The following SLC6A15 variants were observed in gnomAD, a reference collection of about 807,000 sequenced individuals.
SLC6A15 encodes sodium-dependent neutral amino acid transporter B(0)AT2.
Under a neutral mutation model 68.5 loss-of-function variants are expected in SLC6A15, and 33 were observed. The ratio of observed to expected loss-of-function variants is 0.48; its 90% CI spans 0.37 to 0.64. The LOEUF is 0.64. Ranked by LOEUF, SLC6A15 falls within the 30% of genes least tolerant of loss-of-function variation. SLC6A15 has a pLI of 0.00. For missense variants in SLC6A15, 747 were observed against 874.3 expected (o/e 0.85, Z 1.84); for synonymous variants, 347 against 301.0 (o/e 1.15, Z -1.58).
chr12:84,892,079 A>T lies in SLC6A15; in HGVS notation c.42T>A (p.Asp14Glu). 4 of 1,613,424 alleles carry T rather than the reference A, an allele frequency of 2.5e-6. No individual in the cohort carries two copies. The highest frequency in any genetic ancestry group is 3.4e-6 in the Non-Finnish European group (4 of 1,179,868). ...GGTCTTTGACAGACTCAGTAACATC[A>T]TCATCTAATTCTCTTTTTACCACCT... Reference protein sequence around the residue: ...NSKVVKRELDDDVTESVKDLL... With the variant: ...NSKVVKRELDEDVTESVKDLL... Residue 14 changes from aspartate to glutamate, a missense_variant, in exon 2 of 12, where the codon GAT (aspartate) becomes GAA (glutamate). Asp to Glu is a conservative substitution (Grantham distance 45). Transcript: ENST00000266682.
intron 1 of SLC6A15, among the ~76,000 whole-genome samples, chr12:84,908,926 T>G (rs1193572772): frequency 6.6e-6 from 1 of 152,108 alleles, no homozygotes; most frequent in Admixed American, 6.5e-5. Flanking sequence ...CTGTATGATA[T>G]TCCTTGGTAT....
At chr12:84,906,166 C>T (rs904305511) in intron 1 of SLC6A15, among the ~76,000 whole-genome samples, 8 of 152,020 alleles carry the variant, frequency 5.3e-5, no homozygotes, top group African/African-American at 7.2e-5. Flanking sequence ...AACAAGTGAA[C>T]ACAGAAATTA....
chr12:84,885,066 C>T (rs1872024282), intron 4 of SLC6A15, among the ~76,000 whole-genome samples: 1 of 151,800 alleles, frequency 6.6e-6, no homozygotes, highest in South Asian at 2.1e-4. Context: ...GAACCAAAGA[C>T]ATAAAAGCAA....
Position 84,907,676 on chromosome 12 carries a change from C to CATA in SLC6A15, c.-189+4844_-189+4846dup, listed in dbSNP as rs369052998. ...TTAAAAACTAAACACACTGCTACCA[C>CATA]ATAACCGAGCAAGTGTTCTCATTTA... On this transcript the variant is annotated intron_variant, in intron 1 of 11. Transcript: ENST00000266682. Among the ~76,000 whole-genome samples the CATA allele has an allele frequency of 5.5e-4, 83 of 152,278 alleles. 1 individual carries two copies. The East Asian group carries it at 6.2e-3, about 11-fold the overall frequency.
chr12:84,894,040 T>C (rs1334262601), intron 1 of SLC6A15, among the ~76,000 whole-genome samples: 2 of 152,276 alleles, frequency 1.3e-5, no homozygotes, highest in East Asian at 3.8e-4. Flanking sequence ...AGTGACTATT[T>C]CACAGAGGCC....
At chr12:84,870,703 A>G (rs1025890383) in intron 8 of SLC6A15, 33 bp from the exon 9 acceptor site, 3 of 1,396,840 alleles carry the variant, frequency 2.1e-6, no homozygotes, top group Non-Finnish European at 2.9e-6. Context: ...ACATTAGTAC[A>G]GAGTAATTAT....
intron 2 of SLC6A15, among the ~76,000 whole-genome samples, chr12:84,887,508 T>C (rs999462674): frequency 6.6e-6 from 1 of 152,228 alleles, no homozygotes; most frequent in South Asian, 2.1e-4. Flanking sequence ...TCTTTCATTC[T>C]TAGTTGATTC....
At position 84,885,466 on chromosome 12, in the gene SLC6A15, C is replaced by G. The variant is rs140062203; in HGVS notation, c.543G>C (p.Gln181His). The G allele has an allele frequency of 1.2e-6, 2 of 1,613,302 alleles. No homozygotes were observed. Among genetic ancestry groups the G allele is most frequent in the African/African-American group, 1.3e-5 (1 of 74,870 alleles). Residue 181 changes from glutamine to histidine, a missense_variant, in exon 4 of 12, where the codon CAG becomes CAC. Physicochemically the swap from Gln to His is conservative, Grantham distance 24 (BLOSUM62 0). Coordinates refer to ENST00000266682, the MANE Select transcript of SLC6A15 (RefSeq NM_182767.6). The stretch of plus-strand genomic sequence containing the variant: ...GTGAAGCATTTTTCACCAAAGGACA[C>G]TGATCCCAAGGCAGGGGTTGCTGAA... ...QSFQQPLPWDQCPLVKNASHT... is the reference protein window; with the variant it reads ...QSFQQPLPWDHCPLVKNASHT...
In SLC6A15 at chr12:84,861,858, G is replaced by A; in HGVS notation, c.1967C>T (p.Thr656Ile). The change falls in exon 12 of 12, where the codon ACC (threonine) becomes ATC (isoleucine). Residue 656 changes from threonine to isoleucine, a missense_variant. Transcript: ENST00000266682. ...TTTCAGGACCCTTCCTCTCTTATAG[G>A]TCACAGATGCTAAATTACCAGAACT... The part of the protein sequence containing the change: ...DDSSGNLASV[T>I]YKRGRVLKEP... The A allele has an allele frequency of 6.2e-7, 1 of 1,613,794 alleles. No individual in the cohort carries two copies. The highest frequency in any genetic ancestry group is 8.5e-7 in the Non-Finnish European group (1 of 1,179,902).
At chr12:84,873,457 A>G (rs117056679) in intron 6 of SLC6A15, 129 bp from the exon 7 acceptor site, 110 of 1,079,666 alleles carry the variant, frequency 1.0e-4, no homozygotes, top group Non-Finnish European at 1.4e-4. Flanking sequence ...AAATCGGGAA[A>G]TAATATGTTC....
At chr12:84,881,918 G>T in intron 5 of SLC6A15, 2 of 985,258 alleles carry the variant, frequency 2.0e-6, no homozygotes, top group Non-Finnish European at 2.4e-6. Context: ...CCCCATCAGT[G>T]CCTGTTAAAT....
chr12:84,907,705 C>A (rs1280847781), intron 1 of SLC6A15, among the ~76,000 whole-genome samples: 1 of 152,102 alleles, frequency 6.6e-6, no homozygotes, highest in Non-Finnish European at 1.5e-5. Context: ...TCATTTATCC[C>A]AGATAAATGA....
chr12:84,863,377 A>G, intron 11 of SLC6A15, 62 bp downstream of exon 11: 1 of 1,252,168 alleles, frequency 8.0e-7, no homozygotes, highest in Non-Finnish European at 1.1e-6. Context: ...CAAAAGAAAA[A>G]GCCCTCTAAA....
intron 1 of SLC6A15, among the ~76,000 whole-genome samples, chr12:84,897,723 A>G (rs1159518497): frequency 6.6e-6 from 1 of 152,156 alleles, no homozygotes; most frequent in Non-Finnish European, 1.5e-5. Flanking sequence ...TAAAAGCCAC[A>G]GGCAAATATT....
chr12:84,901,457 T>C (rs1324405136), intron 1 of SLC6A15, among the ~76,000 whole-genome samples: 2 of 151,830 alleles, frequency 1.3e-5, no homozygotes, highest in South Asian at 2.1e-4. Flanking sequence ...CTTATCTTTA[T>C]TACTGATATT....
intron 2 of SLC6A15, among the ~76,000 whole-genome samples, chr12:84,886,814 T>C (rs1450903400): frequency 6.6e-6 from 1 of 152,208 alleles, no homozygotes; most frequent in African/African-American, 2.4e-5. Flanking sequence ...TTTAGTTAAA[T>C]CACAAATTAA....
intron 2 of SLC6A15, among the ~76,000 whole-genome samples, chr12:84,890,293 T>G (rs577796244): frequency 6.6e-6 from 1 of 152,308 alleles, no homozygotes; most frequent in African/African-American, 2.4e-5. Flanking sequence ...TATAAAATCT[T>G]TTAGCACTCT....
intron 2 of SLC6A15, among the ~76,000 whole-genome samples, chr12:84,891,394 G>T (rs937009319): frequency 1.3e-5 from 2 of 152,192 alleles, no homozygotes; most frequent in Non-Finnish European, 1.5e-5. Context: ...ATATCATTTT[G>T]TATTTTTTGA....
In SLC6A15 at chr12:84,861,934, G is replaced by A. The variant is rs1268717016; in HGVS notation, c.1891C>T (p.Leu631Phe). 1 of 1,613,776 alleles carries A rather than the reference G, an allele frequency of 6.2e-7. No homozygotes were observed. The highest frequency in any genetic ancestry group is 8.5e-7 in the Non-Finnish European group (1 of 1,179,874). Reference protein sequence around the residue: ...VCVSLVVFAILPVPVVFIVRR... With the variant: ...VCVSLVVFAIFPVPVVFIVRR... ...ACAATGAAAACTACAGGGACTGGGA[G>A]TATTGCAAAGACAACCAGAGAGACA... Residue 631 changes from leucine (L) to phenylalanine (F), a missense_variant, in exon 12 of 12, where the codon CTC (leucine) becomes TTC (phenylalanine). Coordinates refer to ENST00000266682, the MANE Select transcript of SLC6A15 (RefSeq NM_182767.6).
Sources: gnomAD v4.1 joint callset for allele counts (sites outside exome capture counted in the v4.1 genomes callset) on GRCh38, gnomAD v4.1.1 for gene constraint, MANE v1.5 for transcripts, NCBI Gene and HGNC (gene_info 2026-07-23, HGNC 2026-07-21) for gene names.